The following SMYD2 variants were observed in gnomAD, a reference collection of about 807,000 sequenced individuals.
The protein encoded by SMYD2 is SET and MYND domain containing 2.
In SMYD2, 53 loss-of-function variants were observed where a neutral mutation model predicts 59.1. That is an observed-to-expected ratio of 0.90 (90% CI 0.72 to 1.13). The LOEUF (loss-of-function observed/expected upper bound fraction) is 1.13. SMYD2 is among the 50% of genes most tolerant of loss of function. The probability of loss-of-function intolerance (pLI) is 0.00; values close to 1 mark genes in which losing one functional copy is unlikely to be tolerated. For missense variants in SMYD2, 494 were observed against 544.7 expected, an observed-to-expected ratio of 0.91 and a Z score of 0.93; for synonymous variants, 208 against 198.8, an observed-to-expected ratio of 1.05 and a Z score of -0.39.
At position 214,314,869 on chromosome 1, in the gene SMYD2, A is replaced by C; in HGVS notation, c.345A>C (p.Lys115Asn). 1.2e-6 allele frequency: 2 copies of C among 1,611,374 alleles called. No individual in the cohort carries two copies. Residue 115 changes from lysine to asparagine, a missense_variant, in exon 3 of 12, where the codon AAA becomes AAC. By Grantham distance (94) the Lys-to-Asn change is moderately conservative. Coordinates refer to ENST00000366957, the MANE Select transcript of SMYD2 (RefSeq NM_020197.3). ...GACTAACAGCAAGGATTCTGGCCAA[A>C]CAGGTGAGGAAATGGGACAATGTTC... The part of the protein sequence containing the change: ...TVRLTARILA[K>N]QKIHPERTPS...
Position 214,318,051 on chromosome 1 carries a change from T to C in SMYD2, c.349-28T>C. 1 of 1,601,456 alleles carries C rather than the reference T, an allele frequency of 6.2e-7. No homozygotes were observed. The highest frequency in any genetic ancestry group is 8.5e-7 in the Non-Finnish European group (1 of 1,169,754). On this transcript the variant is annotated intron_variant, in intron 3 of 11. Coordinates refer to ENST00000366957, the MANE Select transcript of SMYD2 (RefSeq NM_020197.3). The surrounding 1 kb of genome is among the most constrained non-coding windows in gnomAD (Gnocchi z 5.4). ...TACACTGGTTGTTAAAAAATCTGTA[T>C]CTGTGTGATTTCTTCCCCAATTGCT...
chr1:214,305,297 C>A, intron 2 of SMYD2, 47 bp downstream of exon 2: 1 of 1,533,236 alleles, frequency 6.5e-7, no homozygotes, highest in Non-Finnish European at 9.0e-7. Flanking sequence ...CCTCTGAAGT[C>A]CTCCTCTTCC....
At chr1:214,284,902 T>C (rs1405448057) in intron 1 of SMYD2, among the ~76,000 whole-genome samples, 1 of 152,224 alleles carries the variant, frequency 6.6e-6, no homozygotes, top group African/African-American at 2.4e-5. Flanking sequence ...ATTCATTCTA[T>C]GTGCCATTCT....
intron 6 of SMYD2, among the ~76,000 whole-genome samples, chr1:214,326,768 G>A (rs982605587): frequency 1.3e-5 from 2 of 152,110 alleles, no homozygotes; most frequent in Admixed American, 1.3e-4. Flanking sequence ...GTCTCTGGAG[G>A]GTCAGGGAGG....
chr1:214,293,851 T>G (rs1656678528), intron 1 of SMYD2, among the ~76,000 whole-genome samples: 1 of 152,102 alleles, frequency 6.6e-6, no homozygotes, highest in Non-Finnish European at 1.5e-5. Context: ...TAATTTTGTA[T>G]TTTTACTAGT....
intron 1 of SMYD2, among the ~76,000 whole-genome samples, chr1:214,284,382 T>G (rs34934753): frequency 0.22 from 31,772 of 147,218 alleles, 3,983 homozygotes; most frequent in Middle Eastern, 0.41. Context: ...TGCCTCAGCC[T>G]CCCGAGTAGC....
intron 1 of SMYD2, among the ~76,000 whole-genome samples, chr1:214,287,276 C>G (rs868594605): frequency 9.9e-5 from 15 of 151,770 alleles, no homozygotes; most frequent in African/African-American, 3.4e-4. Flanking sequence ...AATTGTTGAC[C>G]AGTGGAGTCA....
At position 214,299,478 on chromosome 1, in the gene SMYD2, T is replaced by TACAC. The variant is rs1421157531; in HGVS notation, c.174-5708_174-5707insCACA. Among the ~76,000 whole-genome samples the TACAC allele has an allele frequency of 5.7e-3, 161 of 28,494 alleles. 4 individuals are homozygous for TACAC. Among genetic ancestry groups the TACAC allele is most frequent in the African/African-American group, 0.022 (154 of 6,872 alleles). The allele number at this position is 28,494 out of a possible 152,430, so 18.7% of individuals were successfully genotyped here. A position where few individuals can be genotyped will look rare whatever the true frequency, so the allele number is the denominator to read the frequency against. On this transcript the variant is annotated intron_variant, in intron 1 of 11. Transcript: ENST00000366957. ...ATAAAGAAAACATTATATATATATA[T>TACAC]ATATACACCATAGAATACTATGCAG...
At chr1:214,305,885 A>G (rs1311945885) in intron 2 of SMYD2, among the ~76,000 whole-genome samples, 1 of 152,206 alleles carries the variant, frequency 6.6e-6, no homozygotes, top group African/African-American at 2.4e-5. Flanking sequence ...TAAGAGTGGT[A>G]TTTCCCAAAC....
intron 1 of SMYD2, among the ~76,000 whole-genome samples, chr1:214,288,616 A>G (rs1250505656): frequency 6.6e-6 from 1 of 152,238 alleles, no homozygotes; most frequent in African/African-American, 2.4e-5. Flanking sequence ...AAACGAATGC[A>G]TTGTTTAAAG....
intron 2 of SMYD2, among the ~76,000 whole-genome samples, chr1:214,309,438 T>A (rs1356069979): frequency 1.3e-5 from 2 of 152,178 alleles, no homozygotes; most frequent in Admixed American, 6.6e-5. Context: ...TATAGAATAA[T>A]CATTGTGCAG....
At chr1:214,282,320 C>T (rs1656464843) in intron 1 of SMYD2, among the ~76,000 whole-genome samples, 1 of 152,170 alleles carries the variant, frequency 6.6e-6, no homozygotes, top group African/African-American at 2.4e-5. Context: ...TACCTTTATC[C>T]ATTCACACCA....
chr1:214,302,818 T>C (rs1656847562), intron 1 of SMYD2, among the ~76,000 whole-genome samples: 2 of 152,222 alleles, frequency 1.3e-5, no homozygotes, highest in South Asian at 4.1e-4. Flanking sequence ...ACTTTACTAC[T>C]GGTTTCTGTG....
rs1395916676 is a variant in SMYD2 at position 214,318,754 on chromosome 1, T to C, written c.410-105T>C. On this transcript the variant is annotated intron_variant, in intron 4 of 11. Transcript: ENST00000366957. This position sits in a 1 kb window ranked among gnomAD's most constrained non-coding sequence, Gnocchi z 5.4. ...TTCAACATGTTAGTTTTGGGTTTTT[T>C]TTTTTTCGCCCGTTCCTTTCCTCTG... 26 of 1,371,044 alleles carry C rather than the reference T, an allele frequency of 1.9e-5. No homozygotes were observed. Among genetic ancestry groups the C allele is most frequent in the Non-Finnish European group, 2.3e-5 (24 of 1,025,220 alleles). 84.9% of individuals were successfully genotyped at this position (1,371,044 alleles called of 1,614,324 possible).
intron 3 of SMYD2, among the ~76,000 whole-genome samples, chr1:214,315,074 G>A (rs1657063141): frequency 6.6e-6 from 1 of 152,172 alleles, no homozygotes. Flanking sequence ...TTAGGATGTT[G>A]CTTACCCTAG....
At chr1:214,289,032 G>A (rs1419398424) in intron 1 of SMYD2, among the ~76,000 whole-genome samples, 2 of 150,630 alleles carry the variant, frequency 1.3e-5, no homozygotes, top group African/African-American at 4.9e-5. Flanking sequence ...AATTTATGGT[G>A]CAGCTATAGG....
rs757673085 is a variant in SMYD2 at position 214,324,689 on chromosome 1, G to A, written c.583G>A (p.Gly195Arg). The A allele has an allele frequency of 2.5e-6, 4 of 1,612,598 alleles. No homozygotes were observed. The Admixed American group carries it at 6.7e-5, about 27-fold the overall frequency. ...TIEDEELSHL[G>R]SAIFPDVALM... ...TGAAGATGAAGAACTTTCTCATTTG[G>A]GATCAGCGATATTTCCTGAGTAGGC... The change falls in exon 6 of 12, where the codon GGA (glycine) becomes AGA (arginine). Residue 195 changes from glycine to arginine, a missense_variant. Gly to Arg is a moderately radical substitution (Grantham distance 125). Coordinates refer to ENST00000366957, the MANE Select transcript of SMYD2 (RefSeq NM_020197.3).
At position 214,334,280 on chromosome 1, in the gene SMYD2, A is replaced by G. The variant is rs1657402538; in HGVS notation, c.1193A>G (p.Lys398Arg). Residue 398 changes from lysine (K) to arginine (R), a missense_variant, in exon 11 of 12, where the codon AAA becomes AGA. Coordinates refer to ENST00000366957, the MANE Select transcript of SMYD2 (RefSeq NM_020197.3). ...LGRLYMGLEH[K>R]AAGEKALKKA... ...AGACTCTACATGGGCCTGGAACACA[A>G]AGCCGCAGGGGAGAAAGCCCTGAAG... The G allele has an allele frequency of 1.2e-6, 2 of 1,613,688 alleles. No homozygotes were observed. Among genetic ancestry groups the G allele is most frequent in the African/African-American group, 2.7e-5 (2 of 74,932 alleles).
chr1:214,293,028 T>A (rs1330964526), intron 1 of SMYD2, among the ~76,000 whole-genome samples: 2 of 51,352 alleles, frequency 3.9e-5, no homozygotes, highest in African/African-American at 3.2e-4. Flanking sequence ...TGTGTGTGTG[T>A]GTGTGTGTGT....
Sources: gnomAD v4.1 joint callset for allele counts (sites outside exome capture counted in the v4.1 genomes callset) on GRCh38, gnomAD v4.1.1 for gene constraint, Gnocchi (gnomAD v3.1) non-coding constraint, MANE v1.5 for transcripts, NCBI Gene and HGNC (gene_info 2026-07-23, HGNC 2026-07-21) for gene names.